Variants in TRRAP observed in about 807,000 individuals in gnomAD.
The protein encoded by TRRAP is transformation/transcription domain-associated protein.
TRRAP carries 41 observed loss-of-function variants against 438.8 expected under a neutral mutation model. The observed-to-expected ratio is 0.09, with a 90% CI of 0.07 to 0.12. The LOEUF is 0.12. TRRAP is among the 10% of genes least tolerant of loss of function. TRRAP has a pLI of 1.00. For missense variants in TRRAP, 3,122 were observed against 5,055.1 expected, an observed-to-expected ratio of 0.62 and a Z score of 11.60; for synonymous variants, 1,994 against 1,962.9, an observed-to-expected ratio of 1.02 and a Z score of -0.42.
Position 98,992,125 on chromosome 7 carries a change from G to A in TRRAP, c.9757-12G>A. ...AGAGCAGCACTGTTTATAACATCTT[G>A]TCTCTGAGCAGGTTGGACGCGTGTA... On this transcript the variant is annotated splice_polypyrimidine_tract_variant and intron_variant, in intron 64 of 72. Coordinates refer to ENST00000456197, the MANE Select transcript of TRRAP (RefSeq NM_001375524.1). The A allele has an allele frequency of 6.2e-7, 1 of 1,613,644 alleles. No individual in the cohort carries two copies. Among genetic ancestry groups the A allele is most frequent in the Admixed American group, 1.7e-5 (1 of 60,032 alleles).
chr7:98,959,669 GGA>G (rs1298925684), intron 45 of TRRAP, among the ~76,000 whole-genome samples, 179 bp downstream of exon 45: 2 of 152,098 alleles, frequency 1.3e-5, no homozygotes, highest in African/African-American at 2.4e-5. Context: ...CTCTCTCCAG[GGA>G]GAGAGTTTGA....
Position 98,964,645 on chromosome 7 carries a change from C to G in TRRAP, c.6846C>G (p.Leu2282=), listed in dbSNP as rs1188735699. The G allele has an allele frequency of 6.2e-7, 1 of 1,613,632 alleles. No homozygotes were observed. Among genetic ancestry groups the G allele is most frequent in the Non-Finnish European group, 8.5e-7 (1 of 1,179,892 alleles). ...ACATTTTAGGGACCCTTATGATCCT[C>G]AAGTCTGCCTGCAGCAACAACCCCA... ...PSQLFGTLMI[L]KSACSNNPSY... The change falls in exon 48 of 73, where the codon CTC becomes CTG. Residue 2282 remains leucine (L), a synonymous_variant. Coordinates refer to ENST00000456197, the MANE Select transcript of TRRAP (RefSeq NM_001375524.1).
In TRRAP at chr7:98,910,268, G is replaced by A. The variant is rs145259394; in HGVS notation, c.1563G>A (p.Pro521=). The A allele has an allele frequency of 4.8e-4, 615 of 1,271,872 alleles. 7 individuals carry two copies. In the Middle Eastern group the frequency reaches 1.0e-2, roughly 21 times the overall value. 78.8% of individuals were successfully genotyped at this position (1,271,872 alleles called of 1,614,324 possible). The change falls in exon 15 of 73, where the codon CCG becomes CCA. Residue 521 remains proline, a synonymous_variant. Coordinates refer to ENST00000456197, the MANE Select transcript of TRRAP (RefSeq NM_001375524.1). ...PPPPPATPVT[P]APVPPFEKQG... ...CCCCACCTGCCACCCCTGTGACCCC[G>A]GCCCCCGTGCCTCCCTTCGAGAAGC...
At chr7:98,882,548 A>T (rs1309280157) in intron 3 of TRRAP, among the ~76,000 whole-genome samples, 1 of 151,814 alleles carries the variant, frequency 6.6e-6, no homozygotes, top group African/African-American at 2.4e-5. Context: ...TTTTTAGTAG[A>T]GACGGGGTTT....
chr7:98,961,147 A>T, intron 45 of TRRAP, 114 bp from the exon 46 acceptor site: 9 of 922,308 alleles, frequency 9.8e-6, no homozygotes, highest in Admixed American at 8.3e-5. Context: ...GGTTTTTTTT[A>T]CTTAGTCTCC....
At chr7:98,997,842 C>G (rs940763502) in intron 67 of TRRAP, among the ~76,000 whole-genome samples, 2 of 152,214 alleles carry the variant, frequency 1.3e-5, no homozygotes, top group Non-Finnish European at 2.9e-5. Context: ...GTCATTATCA[C>G]TAAATTCTAG....
At chr7:98,945,586 C>A (rs563937819) in intron 31 of TRRAP, among the ~76,000 whole-genome samples, 161 bp from the exon 32 acceptor site, 1 of 152,276 alleles carries the variant, frequency 6.6e-6, no homozygotes, top group African/African-American at 2.4e-5. Flanking sequence ...TGAAAGTGTG[C>A]TTTTTGCTGT....
In TRRAP at chr7:98,956,357, T is replaced by C. The variant is rs1791610333; in HGVS notation, c.6097-42T>C. ...CGATCGTCTTCCTTTGACTTCTCCC[T>C]AGAAATCAGTCAGTAAAACCAAGCG... On this transcript the variant is annotated intron_variant, in intron 42 of 72. Coordinates refer to ENST00000456197, the MANE Select transcript of TRRAP (RefSeq NM_001375524.1). This position sits in a 1 kb window ranked among gnomAD's most constrained non-coding sequence, Gnocchi z 4.5. 1 of 1,613,170 alleles carries C rather than the reference T, an allele frequency of 6.2e-7. No individual in the cohort carries two copies. Among genetic ancestry groups the C allele is most frequent in the African/African-American group, 1.3e-5 (1 of 74,858 alleles).
At chr7:98,939,162 G>A (rs1399554733) in intron 30 of TRRAP, among the ~76,000 whole-genome samples, 1 of 152,182 alleles carries the variant, frequency 6.6e-6, no homozygotes, top group Non-Finnish European at 1.5e-5. Context: ...TCATGCTTAT[G>A]TTTCCCAAGT....
chr7:98,950,832 C>G (rs1454307968), intron 38 of TRRAP, 44 bp from the exon 39 acceptor site: 1 of 1,482,572 alleles, frequency 6.7e-7, no homozygotes, highest in South Asian at 1.5e-5. Flanking sequence ...AAACAAACAG[C>G]ATGGCTTTGT....
intron 56 of TRRAP, 24 bp downstream of exon 56, chr7:98,977,100 C>G (rs376800113): frequency 1.7e-5 from 28 of 1,613,824 alleles, no homozygotes; most frequent in Non-Finnish European, 2.1e-5. Flanking sequence ...CACTGACGGT[C>G]TTGGGTGTGT....
At position 98,981,947 on chromosome 7, in the gene TRRAP, C is replaced by A; in HGVS notation, c.8813C>A (p.Thr2938Lys). 6.3e-7 allele frequency: 1 copy of A among 1,598,336 alleles called. No individual in the cohort carries two copies. The highest frequency in any genetic ancestry group is 1.1e-5 in the South Asian group (1 of 89,422). ...CCCCACGTAGTGTCCCACGTGCACACGCCTCTCCTACAGGTGCGTGCGGTG... is the reference window on the plus strand; with the variant it reads ...CCCCACGTAGTGTCCCACGTGCACAAGCCTCTCCTACAGGTGCGTGCGGTG... ...RLPHVVSHVHTPLLQAAQQII... is the reference protein window; with the variant it reads ...RLPHVVSHVHKPLLQAAQQII... The change falls in exon 59 of 73, where the codon ACG becomes AAG. Residue 2938 changes from threonine to lysine, a missense_variant. Thr to Lys is a moderately conservative substitution (Grantham distance 78). Coordinates refer to ENST00000456197, the MANE Select transcript of TRRAP (RefSeq NM_001375524.1).
Position 98,908,931 on chromosome 7 carries a change from A to G in TRRAP, c.1319A>G (p.Asn440Ser). The G allele has an allele frequency of 2.5e-6, 4 of 1,613,806 alleles. No individual in the cohort carries two copies. Among genetic ancestry groups the G allele is most frequent in the African/African-American group, 2.7e-5 (2 of 74,988 alleles). Reference protein sequence around the residue: ...IRSKSEQESGNGRDVLMRMLE... With the variant: ...IRSKSEQESGSGRDVLMRMLE... Reference sequence around the variant, plus strand: ...TCCAAGAGCGAGCAGGAGAGTGGCAATGGGAGAGACGTCCTGATGCGGATG... The same window carrying G: ...TCCAAGAGCGAGCAGGAGAGTGGCAGTGGGAGAGACGTCCTGATGCGGATG... Residue 440 changes from asparagine (N) to serine (S), a missense_variant, in exon 14 of 73, where the codon AAT becomes AGT. By Grantham distance (46) the Asn-to-Ser change is conservative. This residue lies in a region of TRRAP where 343 missense variants were observed against 564.0 expected (regional missense o/e 0.61). Coordinates refer to ENST00000456197, the MANE Select transcript of TRRAP (RefSeq NM_001375524.1). The surrounding 1 kb of genome is among the most constrained non-coding windows in gnomAD (Gnocchi z 4.1).
At chr7:98,927,143 A>C in intron 22 of TRRAP, 24 bp from the exon 23 acceptor site, 1 of 1,613,904 alleles carries the variant, frequency 6.2e-7, no homozygotes. Context: ...GTGTCGTGAC[A>C]CCAGATCTGA....
intron 21 of TRRAP, among the ~76,000 whole-genome samples, chr7:98,922,888 G>A (rs182604439): frequency 2.0e-4 from 31 of 152,214 alleles, no homozygotes; most frequent in Admixed American, 2.0e-3. Flanking sequence ...CTTTGTAGAA[G>A]ACGTGTGCCC....
At position 98,994,202 on chromosome 7, in the gene TRRAP, G is replaced by C. The variant is rs890756338; in HGVS notation, c.10048-385G>C. Among the ~76,000 whole-genome samples the C allele has an allele frequency of 6.6e-6, 1 of 152,148 alleles. No individual in the cohort carries two copies. The highest frequency in any genetic ancestry group is 6.5e-5 in the Admixed American group (1 of 15,284). On this transcript the variant is annotated intron_variant, in intron 66 of 72. Transcript: ENST00000456197. The surrounding 1 kb of genome is among the most constrained non-coding windows in gnomAD (Gnocchi z 4.8). The stretch of plus-strand genomic sequence containing the variant: ...AGATGCTTACCTGGTTGAGCCCCGG[G>C]GCCAGCTCCTTACTGCTGTGAAGTC...
intron 30 of TRRAP, among the ~76,000 whole-genome samples, chr7:98,940,333 C>T (rs996030861): frequency 3.3e-5 from 5 of 151,938 alleles, no homozygotes; most frequent in Non-Finnish European, 7.4e-5. Context: ...GGATTATAGG[C>T]ACCTGCCGCC....
At chr7:99,007,875 G>C (rs1794258427) in intron 69 of TRRAP, among the ~76,000 whole-genome samples, 2 of 150,904 alleles carry the variant, frequency 1.3e-5, no homozygotes, top group Admixed American at 6.6e-5. Context: ...CGCCAGGCTG[G>C]AGTGCTGTGG....
intron 61 of TRRAP, among the ~76,000 whole-genome samples, 180 bp downstream of exon 61, chr7:98,984,538 G>GTT (rs1381347700): frequency 3.3e-5 from 5 of 152,186 alleles, no homozygotes; most frequent in African/African-American, 1.2e-4. Context: ...GAAGCTACTT[G>GTT]ACTGTGAATT....
Sources: allele counts gnomAD v4.1 joint callset (sites outside exome capture counted in the v4.1 genomes callset), GRCh38; gene constraint gnomAD v4.1.1; regional missense constraint gnomAD v4.1.1; non-coding constraint Gnocchi (gnomAD v3.1); transcripts MANE v1.5; gene names NCBI Gene and HGNC (gene_info 2026-07-23, HGNC 2026-07-21).